AGBL4: variants seen among roughly 807,000 people sequenced by gnomAD.
The protein encoded by AGBL4 is AGBL carboxypeptidase 4.
In AGBL4, 58 loss-of-function variants were observed where a neutral mutation model predicts 66.4. The observed-to-expected ratio is 0.87, with a 90% CI of 0.71 to 1.09. The LOEUF is 1.09. Ranked by LOEUF, AGBL4 falls within the 50% of genes least tolerant of loss-of-function variation. The pLI, the probability that AGBL4 is intolerant of heterozygous loss-of-function variation, is 0.00. For missense variants in AGBL4, 579 were observed against 631.0 expected, an observed-to-expected ratio of 0.92 and a Z score of 0.88; for synonymous variants, 234 against 222.9, an observed-to-expected ratio of 1.05 and a Z score of -0.44.
At chr1:49,859,812 T>A (rs1440095484) in intron 1 of AGBL4, among the ~76,000 whole-genome samples, 1 of 152,020 alleles carries the variant, frequency 6.6e-6, no homozygotes, top group Non-Finnish European at 1.5e-5. Flanking sequence ...TCCCTATTCA[T>A]ACACAACAGA....
Position 49,831,638 on chromosome 1 carries a change from C to T in AGBL4, c.157+19758G>A, listed in dbSNP as rs143573938. 6.0e-3 allele frequency among the ~76,000 whole-genome samples: 907 copies of T among 152,236 alleles called. 6 individuals carry two copies. The highest frequency in any genetic ancestry group is 1.0e-2 in the Non-Finnish European group (678 of 68,014). The stretch of plus-strand genomic sequence containing the variant: ...GCCTAATTGCCCTGGCCAGAACTTC[C>T]AATAATATGTTGAATAGGAGTGGTG... On this transcript the variant is annotated intron_variant, in intron 2 of 13. Coordinates refer to ENST00000371839, the MANE Select transcript of AGBL4 (RefSeq NM_032785.4).
chr1:49,472,659 T>C (rs551109364), intron 3 of AGBL4, among the ~76,000 whole-genome samples: 2 of 152,146 alleles, frequency 1.3e-5, no homozygotes, highest in Non-Finnish European at 2.9e-5. Context: ...AGTTTTTGGA[T>C]TATTATTTTC....
chr1:49,667,015 G>A (rs142676997), intron 3 of AGBL4, among the ~76,000 whole-genome samples: 182 of 152,178 alleles, frequency 1.2e-3, no homozygotes, highest in African/African-American at 4.2e-3. Flanking sequence ...AATATGCTTC[G>A]TGACCTCAGA....
At chr1:49,362,147 G>T (rs987520275) in intron 3 of AGBL4, among the ~76,000 whole-genome samples, 2 of 152,012 alleles carry the variant, frequency 1.3e-5, no homozygotes, top group African/African-American at 4.8e-5. Context: ...GAATGTTGTT[G>T]TAATCTGAAT....
At chr1:49,920,052 C>A in intron 1 of AGBL4, among the ~76,000 whole-genome samples, 1 of 151,884 alleles carries the variant, frequency 6.6e-6, no homozygotes, top group East Asian at 1.9e-4. Context: ...AAAGCTGAAA[C>A]TGGATCCCTT....
chr1:48,551,311 G>A (rs747863792), intron 11 of AGBL4, among the ~76,000 whole-genome samples: 1 of 152,180 alleles, frequency 6.6e-6, no homozygotes, highest in Non-Finnish European at 1.5e-5. Context: ...TACTGTCTCT[G>A]AGCCTTAGTG....
At chr1:49,917,882 C>A (rs1011032276) in intron 1 of AGBL4, among the ~76,000 whole-genome samples, 2 of 152,142 alleles carry the variant, frequency 1.3e-5, no homozygotes, top group African/African-American at 4.8e-5. Flanking sequence ...ATAACAAACT[C>A]TCTCTCAGAC....
rs191516543 is a variant in AGBL4 at position 49,338,274 on chromosome 1, C to T, written c.283-92410G>A. 2.2e-4 allele frequency among the ~76,000 whole-genome samples: 33 copies of T among 152,294 alleles called. No homozygotes were observed. The East Asian group carries it at 6.0e-3, about 28-fold the overall frequency. ...CATAACTTCTAAACACTTTCTCATG[C>T]TGTTCATTTAACCCGGAACACATTT... On this transcript the variant is annotated intron_variant, in intron 3 of 13. Transcript: ENST00000371839.
intron 4 of AGBL4, among the ~76,000 whole-genome samples, chr1:49,237,556 A>G (rs200865807): frequency 5.0e-5 from 1 of 20,144 alleles, no homozygotes; most frequent in South Asian, 3.2e-3. Context: ...ATATATATAT[A>G]TATATATATA....
chr1:49,495,226 CT>C (rs1647432758), intron 3 of AGBL4, among the ~76,000 whole-genome samples: 1 of 152,088 alleles, frequency 6.6e-6, no homozygotes, highest in Non-Finnish European at 1.5e-5. Flanking sequence ...AAATCCTGTG[CT>C]GATCTTTCAA....
intron 2 of AGBL4, among the ~76,000 whole-genome samples, chr1:49,740,619 A>G (rs191415041): frequency 6.6e-6 from 1 of 152,262 alleles, no homozygotes; most frequent in Admixed American, 6.5e-5. Flanking sequence ...ACCACACCAC[A>G]CCTATTCCAA....
chr1:48,632,950 G>C (rs1047770964), intron 9 of AGBL4, among the ~76,000 whole-genome samples: 1 of 152,220 alleles, frequency 6.6e-6, no homozygotes, highest in Non-Finnish European at 1.5e-5. Flanking sequence ...ATGTCTGTAA[G>C]AACTAGGAGA....
At chr1:48,966,500 T>A (rs1658431852) in intron 5 of AGBL4, among the ~76,000 whole-genome samples, 1 of 152,056 alleles carries the variant, frequency 6.6e-6, no homozygotes, top group African/African-American at 2.4e-5. Flanking sequence ...ATACAAACAG[T>A]CATTGAGAGT....
intron 13 of AGBL4, 36 bp downstream of exon 13, chr1:48,534,854 A>G (rs1643942728): frequency 6.5e-7 from 1 of 1,546,884 alleles, no homozygotes; most frequent in Non-Finnish European, 8.8e-7. Context: ...ATGGTATGTT[A>G]CTTACGGGCA....
intron 2 of AGBL4, among the ~76,000 whole-genome samples, chr1:49,712,526 GATGTA>G: frequency 6.6e-6 from 1 of 151,868 alleles, no homozygotes; most frequent in South Asian, 2.1e-4. Flanking sequence ...TAAGTCTAGA[GATGTA>G]ATGTATAACA....
chr1:49,839,918 T>G (rs1341250950), intron 2 of AGBL4, among the ~76,000 whole-genome samples: 2 of 152,090 alleles, frequency 1.3e-5, no homozygotes, highest in Non-Finnish European at 2.9e-5. Flanking sequence ...ACAAAAATTT[T>G]GGGGTAGTAA....
chr1:49,553,806 C>T (rs1434212480), intron 3 of AGBL4, among the ~76,000 whole-genome samples: 1 of 152,086 alleles, frequency 6.6e-6, no homozygotes, highest in Non-Finnish European at 1.5e-5. Flanking sequence ...AACACTTCTA[C>T]ATTATTATAA....
At chr1:49,732,910 T>C (rs1297435897) in intron 2 of AGBL4, among the ~76,000 whole-genome samples, 1 of 152,076 alleles carries the variant, frequency 6.6e-6, no homozygotes. Context: ...TCCAGGATTC[T>C]TAATAAACTT....
intron 2 of AGBL4, among the ~76,000 whole-genome samples, chr1:49,722,865 A>G (rs976220380): frequency 7.2e-5 from 11 of 152,088 alleles, no homozygotes; most frequent in Non-Finnish European, 1.2e-4. Context: ...TTTTTATTTG[A>G]GGAATGTGAG....
Sources: gnomAD v4.1 joint callset for allele counts (sites outside exome capture counted in the v4.1 genomes callset) on GRCh38, gnomAD v4.1.1 for gene constraint, MANE v1.5 for transcripts, NCBI Gene and HGNC (gene_info 2026-07-23, HGNC 2026-07-21) for gene names.